The following STAG1 variants were observed in gnomAD, a reference collection of about 807,000 sequenced individuals.
STAG1 encodes the protein cohesin subunit SA-1.
In STAG1, 26 loss-of-function variants were observed where a neutral mutation model predicts 170.9. The ratio of observed to expected loss-of-function variants is 0.15; its 90% CI spans 0.11 to 0.21. STAG1 has a LOEUF of 0.21. Among genes scored for constraint, STAG1 ranks in the 10% least tolerant of loss-of-function variants. The pLI is 1.00. For missense variants in STAG1, 964 were observed against 1,509.5 expected, an observed-to-expected ratio of 0.64 and a Z score of 5.99; for synonymous variants, 514 against 497.7, an observed-to-expected ratio of 1.03 and a Z score of -0.44.
chr3:136,528,787 A>G (rs1559861557), intron 6 of STAG1, among the ~76,000 whole-genome samples: 1 of 151,798 alleles, frequency 6.6e-6, no homozygotes, highest in East Asian at 1.9e-4. Context: ...AATATTAGTC[A>G]GGCATGGTGG....
intron 21 of STAG1, among the ~76,000 whole-genome samples, chr3:136,410,782 T>A (rs1195139806): frequency 6.6e-6 from 1 of 152,218 alleles, no homozygotes; most frequent in Non-Finnish European, 1.5e-5. Flanking sequence ...GAGACCAGCC[T>A]GGTCAACATA....
At chr3:136,345,935 ATCT>A (rs1448325329) in intron 29 of STAG1, among the ~76,000 whole-genome samples, 1 of 152,220 alleles carries the variant, frequency 6.6e-6, no homozygotes, top group Non-Finnish European at 1.5e-5. Context: ...ACATTTCATC[ATCT>A]TCTATTCATA....
intron 1 of STAG1, among the ~76,000 whole-genome samples, chr3:136,644,520 C>T (rs1027650101): frequency 2.6e-5 from 4 of 151,944 alleles, no homozygotes; most frequent in South Asian, 2.1e-4. Context: ...AAAAAACCCA[C>T]GGAATTAGTA....
intron 21 of STAG1, among the ~76,000 whole-genome samples, chr3:136,400,387 T>C (rs546204786): frequency 6.6e-6 from 1 of 151,546 alleles, no homozygotes. Context: ...GCCTGACTAA[T>C]TTTTTTGTAT....
At chr3:136,655,415 T>A (rs1324898670) in intron 1 of STAG1, among the ~76,000 whole-genome samples, 2 of 152,064 alleles carry the variant, frequency 1.3e-5, no homozygotes, top group African/African-American at 4.8e-5. Context: ...TAAATGCAAA[T>A]CAAAACCACA....
At chr3:136,579,975 T>C in intron 4 of STAG1, among the ~76,000 whole-genome samples, 1 of 132,422 alleles carries the variant, frequency 7.6e-6, no homozygotes, top group Non-Finnish European at 1.6e-5. Context: ...TTTTTTTTTT[T>C]TTTTTTTTTT....
At chr3:136,546,064 T>C (rs1193193071) in intron 5 of STAG1, among the ~76,000 whole-genome samples, 3 of 152,188 alleles carry the variant, frequency 2.0e-5, no homozygotes, top group Non-Finnish European at 4.4e-5. Flanking sequence ...TATCAAATTG[T>C]AGAGCTTGTT....
chr3:136,627,249 G>A (rs368874669), intron 2 of STAG1, among the ~76,000 whole-genome samples: 1 of 152,120 alleles, frequency 6.6e-6, no homozygotes, highest in Non-Finnish European at 1.5e-5. Flanking sequence ...ACAAATTCTA[G>A]GCTTTTGAAA....
At chr3:136,711,431 C>T (rs1008745100) in intron 1 of STAG1, among the ~76,000 whole-genome samples, 1 of 152,062 alleles carries the variant, frequency 6.6e-6, no homozygotes, top group South Asian at 2.1e-4. Flanking sequence ...CATGGTGGCT[C>T]ACACCTACGG....
chr3:136,491,010 C>T (rs1262547132), intron 9 of STAG1, among the ~76,000 whole-genome samples: 1 of 152,092 alleles, frequency 6.6e-6, no homozygotes, highest in African/African-American at 2.4e-5. Flanking sequence ...AGAATATATT[C>T]CCTAACCTAC....
At chr3:136,391,367 T>A (rs1326068072) in intron 22 of STAG1, among the ~76,000 whole-genome samples, 2 of 96,152 alleles carry the variant, frequency 2.1e-5, no homozygotes, top group Non-Finnish European at 2.3e-5. Context: ...ACTTTAGCCC[T>A]CTTTTTTTTT....
At chr3:136,495,718 C>T (rs1364071469) in intron 9 of STAG1, among the ~76,000 whole-genome samples, 1 of 152,002 alleles carries the variant, frequency 6.6e-6, no homozygotes, top group African/African-American at 2.4e-5. Flanking sequence ...CCTATAATTC[C>T]AGCATGTTGG....
At chr3:136,717,681 C>G (rs191717501) in intron 1 of STAG1, among the ~76,000 whole-genome samples, 1 of 151,768 alleles carries the variant, frequency 6.6e-6, no homozygotes, top group African/African-American at 2.4e-5. Context: ...TTAATTAATA[C>G]GGAAAAAAAT....
intron 25 of STAG1, 54 bp downstream of exon 25, chr3:136,366,889 G>A: frequency 6.9e-7 from 1 of 1,444,550 alleles, no homozygotes; most frequent in East Asian, 2.3e-5. Flanking sequence ...CCTTTCAATT[G>A]CTAATTTCTC....
chr3:136,442,102 G>A (rs551201965), intron 15 of STAG1, among the ~76,000 whole-genome samples: 1 of 152,188 alleles, frequency 6.6e-6, no homozygotes, highest in Non-Finnish European at 1.5e-5. Context: ...GGAGCCTGAG[G>A]CAGAAGGATC....
chr3:136,662,473 C>A (rs1189689337), intron 1 of STAG1, among the ~76,000 whole-genome samples: 2 of 152,110 alleles, frequency 1.3e-5, no homozygotes, highest in Admixed American at 6.5e-5. Context: ...GAGACAGGGT[C>A]TCACTCTGTT....
chr3:136,515,067 A>C (rs1223536558), intron 7 of STAG1, among the ~76,000 whole-genome samples: 1 of 152,158 alleles, frequency 6.6e-6, no homozygotes, highest in Non-Finnish European at 1.5e-5. Context: ...TAATTAAAAA[A>C]AAAATCACAA....
At chr3:136,736,629 T>C in intron 1 of STAG1, 1 of 1,602,704 alleles carries the variant, frequency 6.2e-7, no homozygotes, top group East Asian at 2.2e-5. Context: ...AAAGTTTTTC[T>C]GCCACTCTCT....
At chr3:136,544,384 C>T (rs1449875952) in intron 5 of STAG1, among the ~76,000 whole-genome samples, 1 of 152,136 alleles carries the variant, frequency 6.6e-6, no homozygotes, top group Non-Finnish European at 1.5e-5. Context: ...CACAAGTACA[C>T]AGAAGACTGA....
Sources: gnomAD v4.1 joint callset for allele counts (sites outside exome capture counted in the v4.1 genomes callset) on GRCh38, gnomAD v4.1.1 for gene constraint, MANE v1.5 for transcripts, NCBI Gene and HGNC (gene_info 2026-07-23, HGNC 2026-07-21) for gene names.